Variants in OTUD4 observed in about 807,000 individuals in gnomAD.
OTUD4 encodes the protein OTU domain-containing protein 4.
OTUD4 carries 24 observed loss-of-function variants against 130.4 expected under a neutral mutation model. That is an observed-to-expected ratio of 0.18 (90% CI 0.13 to 0.26). OTUD4 has a LOEUF of 0.26. Among genes scored for constraint, OTUD4 ranks in the 10% least tolerant of loss-of-function variants. The pLI is 1.00. For synonymous variants in OTUD4, 420 were observed against 472.5 expected (o/e 0.89, Z 1.44); for missense variants, 1,031 against 1,329.4 (o/e 0.78, Z 3.49).
At chr4:145,177,236 G>C (rs1046270728) in intron 1 of OTUD4, among the ~76,000 whole-genome samples, 1 of 152,318 alleles carries the variant, frequency 6.6e-6, no homozygotes, top group Middle Eastern at 3.4e-3. Context: ...CATTTACCTA[G>C]CAACAGGTGG....
rs1318948640 is a variant in OTUD4 at position 145,136,776 on chromosome 4, T to C, written c.*654A>G. On this transcript the variant is annotated 3_prime_UTR_variant, in exon 21 of 21. Coordinates refer to ENST00000447906, the MANE Select transcript of OTUD4 (RefSeq NM_001366057.1). ...ATTCAAAAATATACCTTATGAATATTAAAAGAACTATATACAACATTGCTA... is the reference window on the plus strand; with the variant it reads ...ATTCAAAAATATACCTTATGAATATCAAAAGAACTATATACAACATTGCTA... 6.6e-6 allele frequency: 1 copy of C among 152,636 alleles called. No individual in the cohort carries two copies. Among genetic ancestry groups the C allele is most frequent in the Non-Finnish European group, 1.5e-5 (1 of 68,032 alleles). 9.5% of individuals were successfully genotyped at this position (152,636 alleles called of 1,614,324 possible). A position where few individuals can be genotyped will look rare whatever the true frequency, so the allele number is the denominator to read the frequency against.
intron 1 of OTUD4, 37 bp downstream of exon 1, chr4:145,179,778 C>G (rs1341531917): frequency 2.8e-5 from 38 of 1,370,018 alleles, no homozygotes; most frequent in Non-Finnish European, 3.6e-5. Flanking sequence ...GCCGTCCCCG[C>G]CTCCCCTCGA....
rs200794023 is a variant in OTUD4 at position 145,156,043 on chromosome 4, C to T, written c.630-47G>A. On this transcript the variant is annotated intron_variant, in intron 7 of 20. Transcript: ENST00000447906. ...ATTGGGGCAGAAAAAGGTATTTGCA[C>T]GTAATTACCTTCTAACCTCATCTAA... 3.6e-5 allele frequency: 52 copies of T among 1,437,676 alleles called. No homozygotes were observed. The Admixed American group carries it at 4.4e-4, about 12-fold the overall frequency. The allele number at this position is 1,437,676 out of a possible 1,614,324, so 89.1% of individuals were successfully genotyped here. A position where few individuals can be genotyped will look rare whatever the true frequency, so the allele number is the denominator to read the frequency against.
intron 3 of OTUD4, among the ~76,000 whole-genome samples, chr4:145,165,776 C>T (rs755069453): frequency 6.6e-6 from 1 of 152,054 alleles, no homozygotes; most frequent in Non-Finnish European, 1.5e-5. Flanking sequence ...GCGCCTGGCC[C>T]AAGTTGAGAA....
chr4:145,146,392 T>C lies in OTUD4; in HGVS notation c.1297A>G (p.Thr433Ala), dbSNP rs771521885. The C allele has an allele frequency of 1.3e-6, 2 of 1,579,312 alleles. No individual in the cohort carries two copies. Among genetic ancestry groups the C allele is most frequent in the South Asian group, 1.2e-5 (1 of 83,286 alleles). The change falls in exon 14 of 21, where the codon ACA becomes GCA. Residue 433 changes from threonine to alanine, a missense_variant. This residue lies in a region of OTUD4 where 900 missense variants were observed against 1,095.9 expected (regional missense o/e 0.82). Coordinates refer to ENST00000447906, the MANE Select transcript of OTUD4 (RefSeq NM_001366057.1). ...CCGAAATAGTTAGATTCTCGACTTG[T>C]GTGATCAAAATCCTCAACTCTTTCA... ...DRERVEDFDHTSRESNYFGLS... is the reference protein window; with the variant it reads ...DRERVEDFDHASRESNYFGLS...
intron 16 of OTUD4, among the ~76,000 whole-genome samples, chr4:145,143,662 G>T (rs1750688666): frequency 6.6e-6 from 1 of 152,098 alleles, no homozygotes; most frequent in African/African-American, 2.4e-5. Context: ...TGGAGGCAAG[G>T]CTTCAAACAT....
In OTUD4 at chr4:145,143,373, CAGG is replaced by C. The variant is rs756379394; in HGVS notation, c.1672_1674del (p.Pro558del). The C allele has an allele frequency of 2.5e-5, 40 of 1,595,762 alleles. No homozygotes were observed. Among genetic ancestry groups the C allele is most frequent in the South Asian group, 3.3e-5 (3 of 90,680 alleles). On this transcript the variant is annotated inframe_deletion, in exon 17 of 21. Coordinates refer to ENST00000447906, the MANE Select transcript of OTUD4 (RefSeq NM_001366057.1). The stretch of plus-strand genomic sequence containing the variant: ...TGCAACAATATACTTACTTGTTCCG[CAGG>C]AGAAGGGCACTCTAACTTCTTTGAC...
At chr4:145,140,875 A>AC (rs1426532020) in intron 19 of OTUD4, among the ~76,000 whole-genome samples, 3 of 152,124 alleles carry the variant, frequency 2.0e-5, no homozygotes, top group African/African-American at 7.2e-5. Flanking sequence ...AACAAAAAAA[A>AC]ATTTTCTGGG....
chr4:145,172,708 T>C (rs1463412495), intron 2 of OTUD4, among the ~76,000 whole-genome samples: 6 of 152,166 alleles, frequency 3.9e-5, no homozygotes, highest in Admixed American at 3.3e-4. Flanking sequence ...GATTCTTTCA[T>C]AGATTATATA....
rs1357227734 is a variant in OTUD4, at chr4:145,171,679, T to C, written c.285A>G (p.Glu95=). 2.3e-6 allele frequency: 3 copies of C among 1,332,396 alleles called. No individual in the cohort carries two copies. The highest frequency in any genetic ancestry group is 3.2e-6 in the Non-Finnish European group (3 of 926,428). 82.5% of individuals were successfully genotyped at this position (1,332,396 alleles called of 1,614,324 possible). The part of the protein sequence containing the change: ...GSFEEYLKRL[E]NPQEWVGQVE... ...GAAGACTGTGACATACCTGTGGATT[T>C]TCCAAACGCTTTAAATATTCTTCAA... Residue 95 remains glutamate, a synonymous_variant, in exon 3 of 21, where the codon GAA becomes GAG. Coordinates refer to ENST00000447906, the MANE Select transcript of OTUD4 (RefSeq NM_001366057.1).
chr4:145,141,313 C>G, intron 19 of OTUD4, 66 bp downstream of exon 19: 1 of 1,425,386 alleles, frequency 7.0e-7, no homozygotes, highest in Non-Finnish European at 9.4e-7. Flanking sequence ...ACTTACATCT[C>G]TTCATTTCTT....
In OTUD4 at chr4:145,137,226, T is replaced by C. The variant is rs544046500; in HGVS notation, c.*204A>G. On this transcript the variant is annotated 3_prime_UTR_variant, in exon 21 of 21. Coordinates refer to ENST00000447906, the MANE Select transcript of OTUD4 (RefSeq NM_001366057.1). ...ACTTGATCAACAAACAGATTCTGAA[T>C]GAAGAAAACTGGCAATGCCAGGAAT... 7 of 456,122 alleles carry C rather than the reference T, an allele frequency of 1.5e-5. No individual in the cohort carries two copies. The highest frequency in any genetic ancestry group is 1.2e-4 in the African/African-American group (6 of 50,520). The allele number at this position is 456,122 out of a possible 1,614,324, so 28.3% of individuals were successfully genotyped here. A position where few individuals can be genotyped will look rare whatever the true frequency, so the allele number is the denominator to read the frequency against.
At chr4:145,162,341 C>G (rs528083372) in intron 6 of OTUD4, among the ~76,000 whole-genome samples, 1 of 152,116 alleles carries the variant, frequency 6.6e-6, no homozygotes, top group African/African-American at 2.4e-5. Flanking sequence ...ATCACGAGGT[C>G]AGGAGATCGA....
rs768878957 is a variant in OTUD4 at position 145,142,302 on chromosome 4, T to C, written c.1716A>G (p.Pro572=). 22 of 1,613,878 alleles carry C rather than the reference T, an allele frequency of 1.4e-5. No individual in the cohort carries two copies. In the Admixed American group the frequency reaches 3.7e-4, roughly 27 times the overall value. ...KPAEHVSLSN[P]APLLVSPEVH... is the part of the protein sequence containing the mutation. ...CCTCTGGAGAAACTAGAAGGGGAGC[T>C]GGATTTGACAAAGACACATGTTCTG... The change falls in exon 18 of 21, where the codon CCA becomes CCG. Residue 572 remains proline (P), a synonymous_variant. Coordinates refer to ENST00000447906, the MANE Select transcript of OTUD4 (RefSeq NM_001366057.1).
intron 18 of OTUD4, 149 bp from the exon 19 acceptor site, chr4:145,141,788 CAAG>C (rs1314281295): frequency 3.2e-6 from 2 of 622,938 alleles, no homozygotes; most frequent in South Asian, 3.0e-5. Context: ...TCCTGGACAC[CAAG>C]AAGGAAATAC....
At chr4:145,140,303 T>C (rs1383326057) in intron 19 of OTUD4, among the ~76,000 whole-genome samples, 1 of 152,198 alleles carries the variant, frequency 6.6e-6, no homozygotes, top group African/African-American at 2.4e-5. Flanking sequence ...TCTCAACTTT[T>C]CTGGGGGTTT....
In OTUD4 at chr4:145,137,349, T is replaced by A; in HGVS notation, c.*81A>T. 4.8e-6 allele frequency: 6 copies of A among 1,253,468 alleles called. No homozygotes were observed. Among genetic ancestry groups the A allele is most frequent in the Non-Finnish European group, 6.7e-6 (6 of 893,812 alleles). 77.6% of individuals were successfully genotyped at this position (1,253,468 alleles called of 1,614,324 possible). A position where few individuals can be genotyped will look rare whatever the true frequency, so the allele number is the denominator to read the frequency against. On this transcript the variant is annotated 3_prime_UTR_variant, in exon 21 of 21. Transcript: ENST00000447906. ...GAGGAAAGAGTTCCAACTGCGGTTT[T>A]TACTTTATTGTATTTTTTTTAAAGC...
At chr4:145,157,837 C>G (rs1321334722) in intron 7 of OTUD4, among the ~76,000 whole-genome samples, 1 of 152,116 alleles carries the variant, frequency 6.6e-6, no homozygotes, top group Non-Finnish European at 1.5e-5. Flanking sequence ...TAAACTTCTC[C>G]AGCTTACTAG....
chr4:145,166,066 C>T (rs564013984), intron 3 of OTUD4, among the ~76,000 whole-genome samples: 4 of 151,536 alleles, frequency 2.6e-5, no homozygotes, highest in African/African-American at 9.7e-5. Flanking sequence ...GAGGCTGAGG[C>T]AGGAGAATCG....
Sources: gnomAD v4.1 joint callset for allele counts (sites outside exome capture counted in the v4.1 genomes callset) on GRCh38, gnomAD v4.1.1 for gene constraint, gnomAD v4.1.1 regional missense constraint, MANE v1.5 for transcripts, NCBI Gene and HGNC (gene_info 2026-07-23, HGNC 2026-07-21) for gene names.